The following SUMF2 variants were observed in gnomAD, a reference collection of about 807,000 sequenced individuals.
The protein encoded by SUMF2 is inactive C-alpha-formylglycine-generating enzyme 2.
SUMF2 carries 45 observed loss-of-function variants against 44.8 expected under a neutral mutation model. The observed-to-expected ratio is 1.00, with a 90% CI of 0.79 to 1.29. The LOEUF (loss-of-function observed/expected upper bound fraction) is 1.29. Ranked by LOEUF, SUMF2 falls within the 50% of genes most tolerant of loss-of-function variation. The pLI, the probability that SUMF2 is intolerant of heterozygous loss-of-function variation, is 0.00. For synonymous variants in SUMF2, 148 were observed against 150.4 expected (o/e 0.98, Z 0.12); for missense variants, 418 against 389.9 (o/e 1.07, Z -0.61).
the SUMF2 span, chr7:56,087,100 G>T: frequency 9.2e-7 from 1 of 1,089,818 alleles, no homozygotes; most frequent in Non-Finnish European, 1.4e-6. Flanking sequence ...GGGGGTCAGG[G>T]ACCGAGGCTG....
Position 56,064,298 on chromosome 7 carries a change from G to C in SUMF2, c.-14G>C, listed in dbSNP as rs758331119. ...CGGGGCCGTGGGTGTACGCGGCGCA[G>C]CGCGGCAGTCCTGATGGCCCGGCAT... is the stretch of plus-strand genomic sequence containing the variant. On this transcript the variant is annotated 5_prime_UTR_variant, in exon 1 of 9. Coordinates refer to ENST00000434526, the MANE Select transcript of SUMF2 (RefSeq NM_015411.4). The C allele has an allele frequency of 7.0e-6, 11 of 1,582,088 alleles. No individual in the cohort carries two copies. In the African/African-American group the frequency reaches 1.2e-4, roughly 17 times the overall value.
intron 1 of SUMF2, among the ~76,000 whole-genome samples, chr7:56,068,037 T>C (rs866453628): frequency 7.1e-6 from 1 of 140,694 alleles, no homozygotes; most frequent in Non-Finnish European, 1.6e-5. Context: ...CTTTCTTTTT[T>C]TTTTTTTTTT....
In SUMF2 at chr7:56,079,518, C is replaced by G; in HGVS notation, c.822-10C>G. ...ACGTGTCTGTCCTCTCTCCCCTTCT[C>G]TGCTGGCAGGATGGGCAACACTCCA... is the stretch of plus-strand genomic sequence containing the variant. On this transcript the variant is annotated splice_polypyrimidine_tract_variant and intron_variant, in intron 8 of 8. Coordinates refer to ENST00000434526, the MANE Select transcript of SUMF2 (RefSeq NM_015411.4). The G allele has an allele frequency of 6.2e-7, 1 of 1,609,566 alleles. No homozygotes were observed. Among genetic ancestry groups the G allele is most frequent in the Non-Finnish European group, 8.5e-7 (1 of 1,177,012 alleles).
chr7:56,064,510 C>A (rs1391547179), intron 1 of SUMF2, 132 bp downstream of exon 1: 4 of 1,309,578 alleles, frequency 3.1e-6, no homozygotes, highest in Non-Finnish European at 4.1e-6. Context: ...GGAGGTAGCT[C>A]TCGGTGCGCG....
At chr7:56,080,756 A>T, downstream of SUMF2, 3 of 440,278 alleles carry the variant, frequency 6.8e-6, no homozygotes, top group South Asian at 7.8e-5. Flanking sequence ...CTAAAGAGAA[A>T]TGGAGATGGT....
At chr7:56,066,154 A>G (rs1413754060) in intron 1 of SUMF2, among the ~76,000 whole-genome samples, 1 of 152,004 alleles carries the variant, frequency 6.6e-6, no homozygotes, top group Non-Finnish European at 1.5e-5. Flanking sequence ...AATGGATGAA[A>G]TCACTGAGAG....
chr7:56,086,265 A>G, the SUMF2 span, among the ~76,000 whole-genome samples: 1,058 of 152,166 alleles, frequency 7.0e-3, 2 homozygotes, highest in Non-Finnish European at 0.011. Context: ...GAAACCATGG[A>G]TAGCACTGAA....
At chr7:56,083,080 T>G (rs564100617), downstream of SUMF2, 1 of 515,014 alleles carries the variant, frequency 1.9e-6, no homozygotes, top group African/African-American at 2.1e-5. Flanking sequence ...CACTCCAGCC[T>G]GGGCGACAGA....
chr7:56,076,964 G>A (rs1405981473), intron 6 of SUMF2, 75 bp downstream of exon 6: 31 of 1,428,484 alleles, frequency 2.2e-5, no homozygotes, highest in African/African-American at 4.3e-5. Flanking sequence ...TTGTTAGGCC[G>A]CGGCATCCAG....
At position 56,064,320 on chromosome 7, in the gene SUMF2, G is replaced by A; in HGVS notation, c.9G>A (p.Arg3=). 4 of 1,595,516 alleles carry A rather than the reference G, an allele frequency of 2.5e-6. No individual in the cohort carries two copies. The highest frequency in any genetic ancestry group is 3.4e-6 in the Non-Finnish European group (4 of 1,171,476). ...GCAGCGCGGCAGTCCTGATGGCCCG[G>A]CATGGGTTACCGCTGCTGCCCCTGC... MA[R]HGLPLLPLLS... The change falls in exon 1 of 9, where the codon CGG becomes CGA. Residue 3 remains arginine (R), a synonymous_variant. Coordinates refer to ENST00000434526, the MANE Select transcript of SUMF2 (RefSeq NM_015411.4).
chr7:56,086,980 C>A, the SUMF2 span: 1 of 1,613,160 alleles, frequency 6.2e-7, no homozygotes, highest in Admixed American at 1.7e-5. Context: ...AGGTCAAACA[C>A]CAAGAAGAAG....
chr7:56,082,042 T>C (rs1487771766), downstream of SUMF2: 2 of 1,612,428 alleles, frequency 1.2e-6, no homozygotes, highest in Non-Finnish European at 1.7e-6. Context: ...ACGCCAGTGC[T>C]CCACCTGGAC....
chr7:56,065,262 C>A (rs1463962101), intron 1 of SUMF2, among the ~76,000 whole-genome samples: 1 of 151,834 alleles, frequency 6.6e-6, no homozygotes, highest in Non-Finnish European at 1.5e-5. Context: ...ACGTACTCGG[C>A]CAGCTTAAAT....
intron 8 of SUMF2, 99 bp downstream of exon 8, chr7:56,078,607 C>A: frequency 1.5e-6 from 2 of 1,356,296 alleles, no homozygotes; most frequent in South Asian, 3.3e-5. Context: ...CACCAACCGT[C>A]TGTGTGTGAT....
chr7:56,079,461 A>C (rs910588325), intron 8 of SUMF2, 67 bp from the exon 9 acceptor site: 23 of 1,494,150 alleles, frequency 1.5e-5, no homozygotes, highest in Non-Finnish European at 2.0e-5. Flanking sequence ...TGAGGCAGGC[A>C]AGATGGGTAA....
At chr7:56,082,428 A>G (rs1231959324), downstream of SUMF2, among the ~76,000 whole-genome samples, 1 of 152,044 alleles carries the variant, frequency 6.6e-6, no homozygotes. Flanking sequence ...CTCCATCTCT[A>G]CTAAAAATAC....
chr7:56,072,937 G>T, intron 2 of SUMF2, 60 bp from the exon 3 acceptor site: 1 of 1,269,592 alleles, frequency 7.9e-7, no homozygotes, highest in Non-Finnish European at 1.1e-6. Context: ...CCTGGAGCAG[G>T]AGAAGATGGG....
chr7:56,081,876 T>G (rs755031337), downstream of SUMF2: 19 of 1,612,828 alleles, frequency 1.2e-5, no homozygotes, highest in South Asian at 2.1e-4. This position sits in a 1 kb window ranked among gnomAD's most constrained non-coding sequence, Gnocchi z 4.6. Context: ...CAGGAGCCAG[T>G]TGGCCTGGCC....
chr7:56,065,696 C>G (rs1182892821), intron 1 of SUMF2, among the ~76,000 whole-genome samples: 1 of 152,040 alleles, frequency 6.6e-6, no homozygotes, highest in East Asian at 1.9e-4. Context: ...CTCAAGCAAT[C>G]CCTGCCTCAG....
Sources: gnomAD v4.1 joint callset for allele counts (sites outside exome capture counted in the v4.1 genomes callset) on GRCh38, gnomAD v4.1.1 for gene constraint, Gnocchi (gnomAD v3.1) non-coding constraint, MANE v1.5 for transcripts, NCBI Gene and HGNC (gene_info 2026-07-23, HGNC 2026-07-21) for gene names.